Variants in KIAA0586 observed in about 807,000 individuals in gnomAD.
KIAA0586 encodes KIAA0586.
Under a neutral mutation model 169.8 loss-of-function variants are expected in KIAA0586, and 144 were observed. The ratio of observed to expected loss-of-function variants is 0.85; its 90% CI spans 0.74 to 0.97. The LOEUF is 0.97. Among genes scored for constraint, KIAA0586 ranks in the 50% least tolerant of loss-of-function variants. KIAA0586 has a pLI of 0.00. For missense variants in KIAA0586, 1,854 were observed against 1,823.0 expected (o/e 1.02, Z -0.31); for synonymous variants, 625 against 612.4 (o/e 1.02, Z -0.30).
chr14:58,530,400 AAG>A lies in KIAA0586; in HGVS notation c.4430-9669_4430-9668del, dbSNP rs770202329. 2.6e-5 allele frequency among the ~76,000 whole-genome samples: 4 copies of A among 152,362 alleles called. 1 individual carries two copies. ...TATAGCCAAGACAGTCCTAAGCAAA[AAG>A]AACAAAGCTGGAGGCATCACGCTAC... On this transcript the variant is annotated intron_variant, in intron 29 of 30. Coordinates refer to ENST00000652326, the MANE Select transcript of KIAA0586 (RefSeq NM_001329943.3).
rs1471328611 is a variant in KIAA0586 at position 58,427,772 on chromosome 14, C to A, written c.-493C>A. ...GCGGGTCTCGGGCGTTCTGGAGATA[C>A]GTAGGGGTGAATTTATGTTTCCGAC... is the stretch of plus-strand genomic sequence containing the variant. On this transcript the variant is annotated 5_prime_UTR_variant, in exon 1 of 31. Coordinates refer to ENST00000652326, the MANE Select transcript of KIAA0586 (RefSeq NM_001329943.3). 1 of 1,525,238 alleles carries A rather than the reference C, an allele frequency of 6.6e-7. No individual in the cohort carries two copies. 94.5% of individuals were successfully genotyped at this position (1,525,238 alleles called of 1,614,324 possible).
At chr14:58,479,114 T>C (rs1274922984) in intron 20 of KIAA0586, among the ~76,000 whole-genome samples, 1 of 152,232 alleles carries the variant, frequency 6.6e-6, no homozygotes, top group Non-Finnish European at 1.5e-5. Flanking sequence ...TTTCCAAAAG[T>C]GGGTGTACTA....
intron 22 of KIAA0586, 25 bp downstream of exon 22, chr14:58,487,191 G>T: frequency 6.3e-7 from 1 of 1,580,326 alleles, no homozygotes. Context: ...TCTATAACTC[G>T]GTTTTAATTT....
chr14:58,496,194 G>A (rs942010653), intron 26 of KIAA0586, among the ~76,000 whole-genome samples: 11 of 152,156 alleles, frequency 7.2e-5, no homozygotes, highest in African/African-American at 2.7e-4. Context: ...ATGTAGATGG[G>A]CTAGGTATAT....
At chr14:58,491,051 A>G (rs2042807716) in intron 25 of KIAA0586, among the ~76,000 whole-genome samples, 1 of 152,164 alleles carries the variant, frequency 6.6e-6, no homozygotes, top group Non-Finnish European at 1.5e-5. Context: ...CATAGCAATC[A>G]CTTTTATGAA....
chr14:58,557,164 G>A, the KIAA0586 span, among the ~76,000 whole-genome samples: 1 of 152,192 alleles, frequency 6.6e-6, no homozygotes, highest in Non-Finnish European at 1.5e-5. Context: ...GAATAAAGCT[G>A]CTATAAATAT....
In KIAA0586 at chr14:58,467,917, G is replaced by A. The variant is rs373130060; in HGVS notation, c.2437G>A (p.Val813Met). The change falls in exon 16 of 31, where the codon GTG becomes ATG. Residue 813 changes from valine to methionine, a missense_variant. Val to Met is a conservative substitution (Grantham distance 21). Coordinates refer to ENST00000652326, the MANE Select transcript of KIAA0586 (RefSeq NM_001329943.3). Reference protein sequence around the residue: ...SEKKDPPQLTVQVLPSVDIDS... With the variant: ...SEKKDPPQLTMQVLPSVDIDS... ...AAAAAAGGATCCTCCTCAGCTTACT[G>A]TGCAGGTATGCCAGGGTGCATGAGT... The A allele has an allele frequency of 6.2e-7, 1 of 1,608,194 alleles. No homozygotes were observed. The highest frequency in any genetic ancestry group is 8.5e-7 in the Non-Finnish European group (1 of 1,177,608).
chr14:58,484,884 ATATATT>A (rs1414083261), intron 21 of KIAA0586, among the ~76,000 whole-genome samples: 3 of 24,226 alleles, frequency 1.2e-4, no homozygotes, highest in African/African-American at 3.5e-4. Context: ...TATATTATAT[ATATATT>A]TATATATATA....
chr14:58,468,685 G>A (rs1021766479), intron 16 of KIAA0586, among the ~76,000 whole-genome samples: 3 of 152,190 alleles, frequency 2.0e-5, no homozygotes, highest in African/African-American at 7.2e-5. Context: ...CACTAGGTCT[G>A]GACAAAGGTG....
intron 30 of KIAA0586, among the ~76,000 whole-genome samples, chr14:58,545,780 C>G (rs1354449388): frequency 6.6e-6 from 1 of 152,074 alleles, no homozygotes; most frequent in African/African-American, 2.4e-5. Flanking sequence ...CTTTGGGAGG[C>G]TGAAGAAGGA....
At chr14:58,465,566 C>T (rs911324374) in intron 14 of KIAA0586, among the ~76,000 whole-genome samples, 1 of 152,176 alleles carries the variant, frequency 6.6e-6, no homozygotes, top group Non-Finnish European at 1.5e-5. Flanking sequence ...TGTGTTCATT[C>T]ATGTATATAT....
Position 58,474,678 on chromosome 14 carries a change from T to G in KIAA0586, c.2706T>G (p.Asp902Glu). 2 of 1,612,820 alleles carry G rather than the reference T, an allele frequency of 1.2e-6. No individual in the cohort carries two copies. The highest frequency in any genetic ancestry group is 1.7e-6 in the Non-Finnish European group (2 of 1,179,438). The change falls in exon 19 of 31, where the codon GAT becomes GAG. Residue 902 changes from aspartate (D) to glutamate (E), a missense_variant. Asp to Glu is a conservative substitution (Grantham distance 45). Transcript: ENST00000652326. ...AGTTTAACAGAAGTGTTAAAGCTGA[T>G]TCTACAAAATATAATGGTCCTCCAT... ...ILEFNRSVKADSTKYNGPPFP... is the reference protein window; with the variant it reads ...ILEFNRSVKAESTKYNGPPFP...
chr14:58,489,084 T>A (rs2141206425), intron 24 of KIAA0586, among the ~76,000 whole-genome samples: 1 of 152,264 alleles, frequency 6.6e-6, no homozygotes, highest in South Asian at 2.1e-4. Context: ...CCAGAAATAA[T>A]ATCACTATTA....
At chr14:58,507,162 A>AGT (rs972083849) in intron 27 of KIAA0586, among the ~76,000 whole-genome samples, 47 of 14,364 alleles carry the variant, frequency 3.3e-3, no homozygotes, top group Admixed American at 0.012. Context: ...AAAAAAAAAA[A>AGT]GTGTATATAT....
chr14:58,555,095 C>CTTTTTTT (rs375867068), downstream of KIAA0586, among the ~76,000 whole-genome samples: 4 of 113,478 alleles, frequency 3.5e-5, no homozygotes, highest in African/African-American at 1.3e-4. Context: ...CTTTTTCTTT[C>CTTTTTTT]TTTCTTTTTT....
intron 29 of KIAA0586, chr14:58,536,872 A>G (rs2046320185): frequency 5.3e-6 from 1 of 189,980 alleles, no homozygotes; most frequent in Non-Finnish European, 1.0e-5. Context: ...TAGTTAATAT[A>G]TAACTCAATT....
At chr14:58,541,929 CTG>C (rs1440160177) in intron 30 of KIAA0586, among the ~76,000 whole-genome samples, 1 of 152,072 alleles carries the variant, frequency 6.6e-6, no homozygotes, top group Non-Finnish European at 1.5e-5. Flanking sequence ...AATGACTTGA[CTG>C]TGCAAATTTA....
In KIAA0586 at chr14:58,548,044, A is replaced by G. The variant is rs900522955; in HGVS notation, c.*112A>G. 16 of 1,272,632 alleles carry G rather than the reference A, an allele frequency of 1.3e-5. No homozygotes were observed. In the African/African-American group the frequency reaches 2.1e-4, roughly 17 times the overall value. 78.8% of individuals were successfully genotyped at this position (1,272,632 alleles called of 1,614,324 possible). ...GTTTTTGAGCATATTCTGAAAAAAA[A>G]ATTCCAATATTTTAAAATAAAACAA... On this transcript the variant is annotated 3_prime_UTR_variant, in exon 31 of 31. Coordinates refer to ENST00000652326, the MANE Select transcript of KIAA0586 (RefSeq NM_001329943.3).
intron 16 of KIAA0586, among the ~76,000 whole-genome samples, chr14:58,469,733 T>A (rs1265236913): frequency 6.6e-6 from 1 of 152,152 alleles, no homozygotes; most frequent in Non-Finnish European, 1.5e-5. Flanking sequence ...AGTCTAGAAA[T>A]GTTCAAAGGA....
Sources: allele counts gnomAD v4.1 joint callset (sites outside exome capture counted in the v4.1 genomes callset), GRCh38; gene constraint gnomAD v4.1.1; transcripts MANE v1.5; gene names NCBI Gene and HGNC (gene_info 2026-07-23, HGNC 2026-07-21).